The following SERPINB8 variants were observed in gnomAD, a reference collection of about 807,000 sequenced individuals.
SERPINB8 encodes the protein serpin B8.
In SERPINB8, 25 loss-of-function variants were observed where a neutral mutation model predicts 35.3. The ratio of observed to expected loss-of-function variants is 0.71; its 90% CI spans 0.52 to 0.99. The LOEUF (loss-of-function observed/expected upper bound fraction) is 0.99. Ranked by LOEUF, SERPINB8 falls within the 50% of genes least tolerant of loss-of-function variation. The pLI is 0.00. For missense variants in SERPINB8, 484 were observed against 446.5 expected, an observed-to-expected ratio of 1.08 and a Z score of -0.76; for synonymous variants, 186 against 160.8, an observed-to-expected ratio of 1.16 and a Z score of -1.19.
At chr18:63,978,167 T>C in intron 1 of SERPINB8, 132 bp from the exon 2 acceptor site, 2 of 847,626 alleles carry the variant, frequency 2.4e-6, no homozygotes, top group Admixed American at 4.8e-5. Flanking sequence ...GTTTTGGGAA[T>C]TAGGAGTGGA....
At chr18:63,976,407 C>T (rs1346578601) in intron 1 of SERPINB8, among the ~76,000 whole-genome samples, 1 of 152,152 alleles carries the variant, frequency 6.6e-6, no homozygotes, top group Non-Finnish European at 1.5e-5. Flanking sequence ...GCACTTTAAG[C>T]AAGGTGCCCC....
chr18:63,986,184 A>G, intron 6 of SERPINB8: 1 of 1,395,008 alleles, frequency 7.2e-7, no homozygotes. Context: ...CCTGGGCTCC[A>G]GTTGTTAAAG....
chr18:64,012,441 A>G lies in SERPINB8; in HGVS notation c.*3-6469A>G, dbSNP rs547220971. Among the ~76,000 whole-genome samples the G allele has an allele frequency of 1.1e-4, 17 of 152,120 alleles. No homozygotes were observed. The South Asian group carries it at 1.7e-3, about 15-fold the overall frequency. On this transcript the variant is annotated intron_variant, in intron 7 of 7. Coordinates refer to the SERPINB8 transcript ENST00000636430. ...TTACATCTCAACTTTTCTGTTTTCC[A>G]TTCTTAAATCCTGAGATATTTTCTG...
Position 63,986,913 on chromosome 18 carries a change from A to G in SERPINB8, c.760A>G (p.Thr254Ala). 6.2e-7 allele frequency: 1 copy of G among 1,613,394 alleles called. No individual in the cohort carries two copies. The highest frequency in any genetic ancestry group is 2.2e-5 in the East Asian group (1 of 44,888). The change falls in exon 7 of 7, where the codon ACA (threonine) becomes GCA (alanine). Residue 254 changes from threonine (T) to alanine (A), a missense_variant. Coordinates refer to ENST00000397985, the MANE Select transcript of SERPINB8 (RefSeq NM_002640.4). ...TACATATGAGAAATTCAAAGCCTGGACAAATTCAGAAAAGTTGACAAAAAG... is the reference window on the plus strand; with the variant it reads ...TACATATGAGAAATTCAAAGCCTGGGCAAATTCAGAAAAGTTGACAAAAAG... ...ALTYEKFKAW[T>A]NSEKLTKSKV...
intron 4 of SERPINB8, 137 bp from the exon 5 acceptor site, chr18:63,983,442 C>G: frequency 1.3e-6 from 1 of 757,426 alleles, no homozygotes; most frequent in Non-Finnish European, 2.2e-6. Flanking sequence ...ACACCATCGC[C>G]TAATTCATCA....
chr18:64,000,915 G>C (rs1052263451), intron 1 of SERPINB8, among the ~76,000 whole-genome samples: 1 of 152,086 alleles, frequency 6.6e-6, no homozygotes, highest in Non-Finnish European at 1.5e-5. Flanking sequence ...GTTACATTTG[G>C]TTTTACTTCA....
intron 1 of SERPINB8, among the ~76,000 whole-genome samples, chr18:64,003,916 T>C (rs370160503): frequency 1.3e-5 from 2 of 152,310 alleles, no homozygotes; most frequent in African/African-American, 4.8e-5. Flanking sequence ...CCTAGCATAA[T>C]GATGTTCCAA....
chr18:63,986,495 G>A, intron 6 of SERPINB8: 1 of 1,350,214 alleles, frequency 7.4e-7, no homozygotes, highest in Non-Finnish European at 9.5e-7. Flanking sequence ...CATGCTCTTT[G>A]TCTTTTGTCA....
chr18:63,995,456 G>C (rs1599162818), intron 1 of SERPINB8, among the ~76,000 whole-genome samples: 1 of 152,228 alleles, frequency 6.6e-6, no homozygotes, highest in African/African-American at 2.4e-5. Flanking sequence ...TAGGGTCTGA[G>C]ACCACCACCA....
chr18:64,004,321 GA>G lies in SERPINB8; in HGVS notation c.71-491del, dbSNP rs531531033. ...GCATGGCTAACAGGCTTGCTGAAAAGAAAAAAAGCCTTGAAAATTCCTCTCA... is the reference window on the plus strand; with the variant it reads ...GCATGGCTAACAGGCTTGCTGAAAAGAAAAAAGCCTTGAAAATTCCTCTCA... On this transcript the variant is annotated intron_variant, in intron 1 of 1. Transcript: ENST00000493661. Among the ~76,000 whole-genome samples the G allele has an allele frequency of 6.0e-3, 907 of 151,678 alleles. 10 individuals are homozygous for G. Among genetic ancestry groups the G allele is most frequent in the African/African-American group, 0.021 (852 of 41,396 alleles).
intron 7 of SERPINB8, among the ~76,000 whole-genome samples, chr18:64,011,084 A>G (rs1274012713): frequency 6.6e-6 from 1 of 152,052 alleles, no homozygotes; most frequent in African/African-American, 2.4e-5. Flanking sequence ...CAGCTAAGGG[A>G]GATGAATCTA....
Position 63,985,158 on chromosome 18 carries a change from A to T in SERPINB8, c.633A>T (p.Val211=). 3 of 1,614,164 alleles carry T rather than the reference A, an allele frequency of 1.9e-6. No individual in the cohort carries two copies. Among genetic ancestry groups the T allele is most frequent in the Non-Finnish European group, 2.5e-6 (3 of 1,179,990 alleles). The change falls in exon 6 of 7, where the codon GTA becomes GTT. Residue 211 remains valine, a synonymous_variant. Transcript: ENST00000397985. Reference sequence around the variant, plus strand: ...TTAAAATGGGGTATGCGGATGAGGTACACACCCAGGTCCTGGAGCTGCCCT... The same window carrying T: ...TTAAAATGGGGTATGCGGATGAGGTTCACACCCAGGTCCTGGAGCTGCCCT... The part of the protein sequence containing the change: ...AKFKMGYADE[V]HTQVLELPYV...
intron 1 of SERPINB8, among the ~76,000 whole-genome samples, chr18:64,000,284 T>C (rs1036593696): frequency 4.6e-5 from 7 of 152,236 alleles, no homozygotes; most frequent in South Asian, 2.1e-4. Flanking sequence ...ACTTGGTCCA[T>C]TGCTGGCTCA....
rs1325839666 is a variant in SERPINB8, at chr18:63,978,411, A to C, written c.103A>C (p.Ile35Leu). ...SRNVFFSPMSISSALAMVFMG... is the reference protein window; with the variant it reads ...SRNVFFSPMSLSSALAMVFMG... ...AAACGTATTCTTCTCTCCCATGAGC[A>C]TCTCCTCTGCCCTGGCCATGGTCTT... The change falls in exon 2 of 7, where the codon ATC becomes CTC. Residue 35 changes from isoleucine to leucine, a missense_variant. By Grantham distance (5) the Ile-to-Leu change is conservative (BLOSUM62 2). Transcript: ENST00000397985. 1 of 1,614,222 alleles carries C rather than the reference A, an allele frequency of 6.2e-7. No individual in the cohort carries two copies. The highest frequency in any genetic ancestry group is 1.1e-5 in the South Asian group (1 of 91,090).
In SERPINB8 at chr18:63,986,906, AG is replaced by A. The variant is rs769647167; in HGVS notation, c.754del (p.Ala252ProfsTer8). 1.9e-6 allele frequency: 3 copies of A among 1,612,328 alleles called. No homozygotes were observed. The highest frequency in any genetic ancestry group is 1.7e-6 in the Non-Finnish European group (2 of 1,179,552). On this transcript the variant is annotated frameshift_variant, in exon 7 of 7. Transcript: ENST00000397985. LOFTEE classifies it high-confidence loss of function. ...EKALTYEKFKAWTNSEKLTKS... is the reference protein window; with the variant it reads ...EKALTYEKFKXWTNSEKLTKS... ...AAGCACTTACATATGAGAAATTCAA[AG>A]CCTGGACAAATTCAGAAAAGTTGAC... is the stretch of plus-strand genomic sequence containing the variant.
intron 2 of SERPINB8, 56 bp downstream of exon 2, chr18:63,978,532 A>G: frequency 6.3e-7 from 1 of 1,588,494 alleles, no homozygotes; most frequent in Non-Finnish European, 8.6e-7. Flanking sequence ...GTGCTTCCAT[A>G]CAGCTGTCTT....
chr18:63,970,130 A>AGCGGCGGCGGCGGCGGCG lies in SERPINB8; in HGVS notation c.-48_-31dup, dbSNP rs113130158. 18 of 343,898 alleles carry AGCGGCGGCGGCGGCGGCG rather than the reference A, an allele frequency of 5.2e-5. 2 individuals carry two copies. The highest frequency in any genetic ancestry group is 5.0e-4 in the East Asian group (4 of 8,016). The allele number at this position is 343,898 out of a possible 1,614,324, so 21.3% of individuals were successfully genotyped here. A position where few individuals can be genotyped will look rare whatever the true frequency, so the allele number is the denominator to read the frequency against. ...ACAAAGGAGGAATAGTCAAAGCAGC[A>AGCGGCGGCGGCGGCGGCG]GCGGCGGCGGCGGCGGCGGCAGCAG... On this transcript the variant is annotated 5_prime_UTR_variant, in exon 1 of 7. Coordinates refer to ENST00000397985, the MANE Select transcript of SERPINB8 (RefSeq NM_002640.4).
At chr18:63,980,544 T>C (rs1422593226) in intron 3 of SERPINB8, among the ~76,000 whole-genome samples, 3 of 152,176 alleles carry the variant, frequency 2.0e-5, no homozygotes, top group Non-Finnish European at 4.4e-5. Flanking sequence ...GCCATCCTAT[T>C]GGCTGGAGGT....
intron 7 of SERPINB8, among the ~76,000 whole-genome samples, chr18:64,012,231 G>C (rs1253320621): frequency 6.6e-6 from 1 of 151,972 alleles, no homozygotes; most frequent in Non-Finnish European, 1.5e-5. Flanking sequence ...TGAAAATGTG[G>C]CATCATAATT....
Sources: allele counts gnomAD v4.1 joint callset (sites outside exome capture counted in the v4.1 genomes callset), GRCh38; gene constraint gnomAD v4.1.1; transcripts MANE v1.5; gene names NCBI Gene and HGNC (gene_info 2026-07-23, HGNC 2026-07-21).